DOCK2: variants seen among roughly 807,000 people sequenced by gnomAD.
DOCK2 encodes dedicator of cytokinesis 2, also known as dedicator of cytokinesis protein 2.
A neutral mutation model predicts 248.9 loss-of-function variants in DOCK2; 87 were observed. The observed-to-expected ratio is 0.35, with a 90% CI of 0.29 to 0.42. The LOEUF is 0.42. DOCK2 is among the 10% of genes least tolerant of loss of function. The pLI is 1.00. For missense variants in DOCK2, 1,747 were observed against 2,300.2 expected (o/e 0.76, Z 4.92); for synonymous variants, 805 against 821.6 (o/e 0.98, Z 0.35).
intron 19 of DOCK2, 61 bp downstream of exon 19, chr5:169,714,518 G>A: frequency 6.3e-7 from 1 of 1,578,590 alleles, no homozygotes; most frequent in Non-Finnish European, 8.7e-7. Flanking sequence ...CCATGTGGGT[G>A]GCTTCAGGGG....
intron 36 of DOCK2, among the ~76,000 whole-genome samples, chr5:170,039,050 T>G (rs1321536897): frequency 1.3e-5 from 2 of 152,250 alleles, no homozygotes; most frequent in Admixed American, 6.5e-5. Flanking sequence ...AGGCTGTGTC[T>G]GTGAAAGCAG....
intron 25 of DOCK2, among the ~76,000 whole-genome samples, chr5:169,802,306 C>T (rs1049908513): frequency 6.6e-6 from 1 of 152,142 alleles, no homozygotes. Flanking sequence ...GGATTACAGG[C>T]GCATGTCACC....
At chr5:169,937,291 C>G (rs1776039382) in intron 27 of DOCK2, among the ~76,000 whole-genome samples, 1 of 152,172 alleles carries the variant, frequency 6.6e-6, no homozygotes, top group Non-Finnish European at 1.5e-5. Context: ...AAATCTGACC[C>G]TTTGAGAACA....
At chr5:169,756,925 C>CA (rs60397780) in intron 23 of DOCK2, among the ~76,000 whole-genome samples, 34,692 of 127,586 alleles carry the variant, frequency 0.27, 4,264 homozygotes, top group Admixed American at 0.42. Flanking sequence ...AACTCTGTCT[C>CA]AAAAAAAAAA....
At chr5:169,817,869 TC>T (rs1335261632) in intron 26 of DOCK2, among the ~76,000 whole-genome samples, 5 of 152,238 alleles carry the variant, frequency 3.3e-5, no homozygotes, top group Admixed American at 6.5e-5. Flanking sequence ...GTTTGACTGA[TC>T]CTCCCATCTT....
intron 22 of DOCK2, among the ~76,000 whole-genome samples, chr5:169,720,448 C>T (rs1390319140): frequency 6.6e-6 from 1 of 151,952 alleles, no homozygotes; most frequent in East Asian, 1.9e-4. Flanking sequence ...CCTTTTCCAT[C>T]CCTTCCTCCC....
chr5:169,846,887 C>A (rs933044495), intron 27 of DOCK2, among the ~76,000 whole-genome samples: 1 of 151,838 alleles, frequency 6.6e-6, no homozygotes, highest in Non-Finnish European at 1.5e-5. Context: ...AGGTCCATTA[C>A]GTTACTCTGT....
At chr5:170,062,344 C>T (rs1269895901) in intron 44 of DOCK2, among the ~76,000 whole-genome samples, 2 of 152,038 alleles carry the variant, frequency 1.3e-5, no homozygotes, top group Non-Finnish European at 2.9e-5. Flanking sequence ...CCAAATGCAC[C>T]AGATAAATAT....
At chr5:169,918,805 C>T (rs1775018998) in intron 27 of DOCK2, among the ~76,000 whole-genome samples, 1 of 152,076 alleles carries the variant, frequency 6.6e-6, no homozygotes, top group Admixed American at 6.6e-5. Flanking sequence ...CCCAGCTACT[C>T]GGGAGGCTGA....
At chr5:169,781,235 T>TGCAAACTCCACAGACAGTG (rs1416261823) in intron 25 of DOCK2, among the ~76,000 whole-genome samples, 1 of 152,214 alleles carries the variant, frequency 6.6e-6, no homozygotes, top group Non-Finnish European at 1.5e-5. Flanking sequence ...GGGGAGAACG[T>TGCAAACTCCACAGACAGTG]GCAAACTCCA....
intron 22 of DOCK2, among the ~76,000 whole-genome samples, chr5:169,743,056 G>A (rs140416502): frequency 6.6e-6 from 1 of 152,184 alleles, no homozygotes; most frequent in African/African-American, 2.4e-5. Context: ...GAGATCAAGC[G>A]CTAAAAAAGA....
intron 44 of DOCK2, among the ~76,000 whole-genome samples, chr5:170,063,211 G>A (rs1003146060): frequency 1.3e-5 from 2 of 152,142 alleles, no homozygotes; most frequent in African/African-American, 4.8e-5. Context: ...CAGAGAAAGG[G>A]CTTAAAAAAT....
intron 26 of DOCK2, among the ~76,000 whole-genome samples, chr5:169,811,721 C>T (rs1321620142): frequency 6.6e-6 from 1 of 152,172 alleles, no homozygotes; most frequent in African/African-American, 2.4e-5. Context: ...GCCAAAGTGG[C>T]AAGGTAGATC....
intron 32 of DOCK2, 42 bp downstream of exon 32, chr5:170,008,788 C>A (rs370970570): frequency 2.5e-6 from 4 of 1,611,578 alleles, no homozygotes; most frequent in Non-Finnish European, 3.4e-6. Context: ...TCTGCAGGCA[C>A]CAAACTCCTT....
intron 27 of DOCK2, among the ~76,000 whole-genome samples, chr5:169,847,005 T>C (rs1770355599): frequency 2.0e-5 from 3 of 152,192 alleles, no homozygotes; most frequent in Admixed American, 6.5e-5. Context: ...TCCAGCTCCA[T>C]CCAAGTTGTG....
At chr5:169,666,140 G>T (rs1227601849) in intron 2 of DOCK2, among the ~76,000 whole-genome samples, 1 of 152,114 alleles carries the variant, frequency 6.6e-6, no homozygotes, top group Non-Finnish European at 1.5e-5. Flanking sequence ...GGTGGGGGCC[G>T]CTTCTTGGTT....
At chr5:169,641,622 G>A (rs1757157073) in intron 1 of DOCK2, among the ~76,000 whole-genome samples, 1 of 152,196 alleles carries the variant, frequency 6.6e-6, no homozygotes, top group Non-Finnish European at 1.5e-5. Flanking sequence ...AACAGGAGGA[G>A]CCAGGCCTCG....
At chr5:169,809,113 G>A (rs1161776668) in intron 26 of DOCK2, among the ~76,000 whole-genome samples, 2 of 151,986 alleles carry the variant, frequency 1.3e-5, no homozygotes, top group Admixed American at 6.6e-5. Context: ...GCCTCAGCTG[G>A]CTGAGTAGCT....
chr5:170,068,070 T>G (rs1378540408), intron 45 of DOCK2, among the ~76,000 whole-genome samples: 2 of 152,126 alleles, frequency 1.3e-5, no homozygotes, highest in Non-Finnish European at 2.9e-5. Context: ...TGAAATGATG[T>G]ATACTAATGG....
Sources: allele counts gnomAD v4.1 joint callset (sites outside exome capture counted in the v4.1 genomes callset), GRCh38; gene constraint gnomAD v4.1.1; transcripts MANE v1.5; gene names NCBI Gene and HGNC (gene_info 2026-07-23, HGNC 2026-07-21).